Variants in ROBO2 observed in about 807,000 individuals in gnomAD.
The protein encoded by ROBO2 is roundabout guidance receptor 2.
ROBO2 carries 53 observed loss-of-function variants against 160.8 expected under a neutral mutation model. The ratio of observed to expected loss-of-function variants is 0.33; its 90% CI spans 0.26 to 0.41. ROBO2 has a LOEUF of 0.41. Among genes scored for constraint, ROBO2 ranks in the 10% least tolerant of loss-of-function variants. ROBO2 has a pLI of 1.00. For synonymous variants in ROBO2, 664 were observed against 611.7 expected, an observed-to-expected ratio of 1.09 and a Z score of -1.26; for missense variants, 1,577 against 1,722.4, an observed-to-expected ratio of 0.92 and a Z score of 1.49.
intron 2 of ROBO2, among the ~76,000 whole-genome samples, chr3:76,482,943 A>G (rs1177240279): frequency 6.6e-6 from 1 of 152,166 alleles, no homozygotes; most frequent in Non-Finnish European, 1.5e-5. Flanking sequence ...TGATGTTTTC[A>G]GCAATAATTT....
chr3:76,622,235 G>A (rs3916660), intron 2 of ROBO2, among the ~76,000 whole-genome samples: 8,136 of 43,178 alleles, frequency 0.19, 853 homozygotes, highest in South Asian at 0.3. Context: ...AGGAAGGAAG[G>A]AAGAAAGAAA....
intron 2 of ROBO2, among the ~76,000 whole-genome samples, chr3:77,104,477 A>G (rs2072508636): frequency 6.6e-6 from 1 of 152,154 alleles, no homozygotes; most frequent in Non-Finnish European, 1.5e-5. Context: ...ATTGTATGAT[A>G]GACATTTGCA....
chr3:76,086,794 A>ATAC (rs1350429676), intron 2 of ROBO2, among the ~76,000 whole-genome samples: 1 of 152,174 alleles, frequency 6.6e-6, no homozygotes, highest in African/African-American at 2.4e-5. Context: ...CTTTAATAGA[A>ATAC]AAAGTAAACA....
chr3:76,885,960 T>A (rs1222782021), intron 2 of ROBO2, among the ~76,000 whole-genome samples: 1 of 152,126 alleles, frequency 6.6e-6, no homozygotes, highest in Non-Finnish European at 1.5e-5. Flanking sequence ...GGCAGGTTCA[T>A]GGCCTATGAA....
chr3:76,677,323 C>T (rs1304406787), intron 2 of ROBO2, among the ~76,000 whole-genome samples: 12 of 152,092 alleles, frequency 7.9e-5, no homozygotes, highest in Admixed American at 5.2e-4. Context: ...AAAACAACTC[C>T]ATCACACTTA....
intron 2 of ROBO2, among the ~76,000 whole-genome samples, chr3:75,946,843 C>A: frequency 6.6e-6 from 1 of 151,942 alleles, no homozygotes; most frequent in Non-Finnish European, 1.5e-5. Flanking sequence ...ATATAAATTA[C>A]ATTGAAAAGT....
intron 2 of ROBO2, among the ~76,000 whole-genome samples, chr3:76,310,898 G>A (rs765727522): frequency 2.0e-5 from 3 of 152,176 alleles, no homozygotes; most frequent in African/African-American, 7.2e-5. Context: ...CACACAGGCA[G>A]CCTGAAAGCT....
At chr3:77,485,564 T>C (rs939178490) in intron 4 of ROBO2, among the ~76,000 whole-genome samples, 7 of 152,126 alleles carry the variant, frequency 4.6e-5, no homozygotes, top group African/African-American at 1.7e-4. Context: ...AGTCTCAATC[T>C]GAAAACTCTC....
intron 19 of ROBO2, among the ~76,000 whole-genome samples, chr3:77,600,388 T>A (rs1229598798): frequency 6.6e-6 from 1 of 152,188 alleles, no homozygotes; most frequent in Non-Finnish European, 1.5e-5. Context: ...ACTTAAAGGC[T>A]GACTATAATT....
chr3:76,657,221 C>G (rs559309776), intron 2 of ROBO2, among the ~76,000 whole-genome samples: 1 of 150,604 alleles, frequency 6.6e-6, no homozygotes, highest in African/African-American at 2.4e-5. Flanking sequence ...GTCAGGAGAT[C>G]GAGACCATCC....
intron 2 of ROBO2, among the ~76,000 whole-genome samples, chr3:77,363,579 G>T (rs558566351): frequency 6.6e-6 from 1 of 151,850 alleles, no homozygotes; most frequent in Admixed American, 6.6e-5. Flanking sequence ...TAAGTTTAGC[G>T]TAGAATGGAC....
chr3:76,551,799 G>T (rs1251085776), intron 2 of ROBO2, among the ~76,000 whole-genome samples: 1 of 152,118 alleles, frequency 6.6e-6, no homozygotes, highest in East Asian at 1.9e-4. Flanking sequence ...GCCAGTACCT[G>T]TGCTGGCACC....
intron 2 of ROBO2, among the ~76,000 whole-genome samples, chr3:76,230,328 A>T (rs976890229): frequency 2.0e-5 from 3 of 151,842 alleles, no homozygotes; most frequent in Non-Finnish European, 4.4e-5. Context: ...GAAAAAAAAA[A>T]TGGCTTTCCT....
chr3:77,301,727 C>G (rs578175092), intron 2 of ROBO2, among the ~76,000 whole-genome samples: 35 of 152,224 alleles, frequency 2.3e-4, no homozygotes, highest in Admixed American at 1.9e-3. Flanking sequence ...CTTCTTTTTA[C>G]TTTAGAAACT....
intron 2 of ROBO2, among the ~76,000 whole-genome samples, chr3:76,330,521 A>G (rs2073402526): frequency 6.6e-6 from 1 of 152,194 alleles, no homozygotes; most frequent in African/African-American, 2.4e-5. Context: ...TTTTTCCCCC[A>G]TTCTGCTTCA....
intron 2 of ROBO2, among the ~76,000 whole-genome samples, chr3:76,109,650 T>C (rs2070126825): frequency 6.6e-6 from 1 of 152,074 alleles, no homozygotes; most frequent in African/African-American, 2.4e-5. Flanking sequence ...GAGATTGCAG[T>C]AACTTATTTT....
chr3:77,258,602 G>A (rs1432677507), intron 2 of ROBO2, among the ~76,000 whole-genome samples: 1 of 142,826 alleles, frequency 7.0e-6, no homozygotes, highest in African/African-American at 2.7e-5. Context: ...CAGCCTGGGT[G>A]ACAGACGGAG....
At chr3:77,573,742 G>A (rs868793376) in intron 13 of ROBO2, among the ~76,000 whole-genome samples, 1 of 151,984 alleles carries the variant, frequency 6.6e-6, no homozygotes, top group Non-Finnish European at 1.5e-5. Context: ...AAGCACTTAC[G>A]AATTCTTCAG....
chr3:76,520,017 C>T (rs1415881727), intron 2 of ROBO2, among the ~76,000 whole-genome samples: 2 of 152,134 alleles, frequency 1.3e-5, no homozygotes, highest in South Asian at 2.1e-4. Context: ...CTTATAATCA[C>T]AATATAAATA....
Sources: allele counts gnomAD v4.1 joint callset (sites outside exome capture counted in the v4.1 genomes callset), GRCh38; gene constraint gnomAD v4.1.1; transcripts MANE v1.5; gene names NCBI Gene and HGNC (gene_info 2026-07-23, HGNC 2026-07-21).